LY75: variants seen among roughly 807,000 people sequenced by gnomAD.
The protein encoded by LY75 is C-type lectin domain family 13 member B.
A neutral mutation model predicts 231.7 loss-of-function variants in LY75; 185 were observed. That is an observed-to-expected ratio of 0.80 (90% CI 0.71 to 0.90). The LOEUF is 0.90. Ranked by LOEUF, LY75 falls within the 40% of genes least tolerant of loss-of-function variation. The pLI, the probability that LY75 is intolerant of heterozygous loss-of-function variation, is 0.00. For missense variants in LY75, 1,947 were observed against 2,050.2 expected (o/e 0.95, Z 0.97); for synonymous variants, 668 against 689.0 (o/e 0.97, Z 0.48).
chr2:159,848,087 T>C (rs754698229), intron 23 of LY75, among the ~76,000 whole-genome samples: 11 of 103,404 alleles, frequency 1.1e-4, no homozygotes, highest in African/African-American at 5.4e-4. Context: ...TATATATATA[T>C]ATATATACAC....
At chr2:159,895,962 T>A (rs1408672536) in intron 2 of LY75, among the ~76,000 whole-genome samples, 2 of 152,246 alleles carry the variant, frequency 1.3e-5, no homozygotes, top group African/African-American at 4.8e-5. Context: ...CTTCTCTGAA[T>A]GTGCAAATTT....
intron 31 of LY75, among the ~76,000 whole-genome samples, chr2:159,814,867 A>G (rs1163396639): frequency 6.6e-6 from 1 of 152,088 alleles, no homozygotes; most frequent in Non-Finnish European, 1.5e-5. Flanking sequence ...CACAAATTCT[A>G]GGGTAGAATT....
intron 23 of LY75, among the ~76,000 whole-genome samples, chr2:159,847,385 G>T (rs936411030): frequency 6.6e-6 from 1 of 151,944 alleles, no homozygotes; most frequent in African/African-American, 2.4e-5. Context: ...ACATGGGAGG[G>T]CAGTGTTGCA....
At chr2:159,831,505 G>C (rs1303638376) in intron 28 of LY75, among the ~76,000 whole-genome samples, 165 bp downstream of exon 28, 2 of 152,232 alleles carry the variant, frequency 1.3e-5, no homozygotes, top group South Asian at 2.1e-4. Context: ...GATAAAGGCA[G>C]AGCAGAGACA....
Position 159,854,364 on chromosome 2 carries a change from G to T in LY75, c.2591C>A (p.Ala864Glu). Residue 864 changes from alanine (A) to glutamate (E), a missense_variant, in exon 18 of 35, where the codon GCA becomes GAA. By Grantham distance (107) the Ala-to-Glu change is moderately radical. Coordinates refer to ENST00000263636, the MANE Select transcript of LY75 (RefSeq NM_002349.4). ...AAATATATTCTTTTAAATTACATTT[G>T]CTATTTTGTTTTTGATGGCTTTTAG... The part of the protein sequence containing the change: ...VGLKAIKNKI[A>E]NISGDGQKWW... 1 of 1,410,462 alleles carries T rather than the reference G, an allele frequency of 7.1e-7. No homozygotes were observed. Among genetic ancestry groups the T allele is most frequent in the Non-Finnish European group, 9.4e-7 (1 of 1,069,306 alleles). 87.4% of individuals were successfully genotyped at this position (1,410,462 alleles called of 1,614,324 possible).
chr2:159,832,162 A>G (rs993195808), intron 27 of LY75, among the ~76,000 whole-genome samples: 6 of 152,170 alleles, frequency 3.9e-5, no homozygotes, highest in Non-Finnish European at 7.3e-5. Context: ...TAGATGAACT[A>G]TAACAGGGGT....
chr2:159,834,776 A>G (rs1303417497), intron 26 of LY75, among the ~76,000 whole-genome samples: 2 of 152,210 alleles, frequency 1.3e-5, no homozygotes, highest in Non-Finnish European at 2.9e-5. Context: ...ATATAAACAT[A>G]TTCCACTCAA....
chr2:159,897,386 A>G (rs1184178298), intron 2 of LY75, among the ~76,000 whole-genome samples: 1 of 152,220 alleles, frequency 6.6e-6, no homozygotes, highest in African/African-American at 2.4e-5. Flanking sequence ...ATTAAGTCAT[A>G]TCCAAAAAGC....
At chr2:159,853,219 C>T (rs76133700) in intron 20 of LY75, 54 bp downstream of exon 20, 3 of 1,529,646 alleles carry the variant, frequency 2.0e-6, no homozygotes, top group South Asian at 2.4e-5. Flanking sequence ...AGAAACTGAA[C>T]CTGAACTTCA....
At chr2:159,858,534 C>T in intron 15 of LY75, 58 bp from the exon 16 acceptor site, 2 of 1,539,798 alleles carry the variant, frequency 1.3e-6, no homozygotes, top group Non-Finnish European at 1.7e-6. Context: ...TTATGGAACA[C>T]TAAACTGTAA....
chr2:159,840,936 C>G lies in LY75; in HGVS notation c.3300G>C (p.Thr1100=). 6.2e-7 allele frequency: 1 copy of G among 1,613,774 alleles called. No homozygotes were observed. Among genetic ancestry groups the G allele is most frequent in the Non-Finnish European group, 8.5e-7 (1 of 1,179,918 alleles). The part of the protein sequence containing the change: ...QKYSEVKSRQ[T]LQNASETVKY... ...TTACAGTTTCTGAAGCATTCTGCAA[C>G]GTCTGTCTGCTTTTAACTTCTGCAT... Residue 1100 remains threonine, a synonymous_variant, in exon 25 of 35, where the codon ACG becomes ACC. Transcript: ENST00000263636.
intron 2 of LY75, among the ~76,000 whole-genome samples, chr2:159,897,666 A>G (rs763036404): frequency 6.6e-6 from 1 of 152,252 alleles, no homozygotes; most frequent in Non-Finnish European, 1.5e-5. Context: ...TTAAGAGAAG[A>G]AGAAAGCCAC....
intron 3 of LY75, 104 bp downstream of exon 3, chr2:159,893,810 A>T: frequency 7.1e-7 from 1 of 1,407,140 alleles, no homozygotes; most frequent in South Asian, 1.4e-5. Flanking sequence ...ATCCGGGATA[A>T]TATTTTTGCA....
chr2:159,897,790 T>C (rs1356898287), intron 2 of LY75, among the ~76,000 whole-genome samples: 1 of 152,216 alleles, frequency 6.6e-6, no homozygotes. Flanking sequence ...ATGAAAAATA[T>C]TTGCTTGGGA....
At chr2:159,818,936 C>T (rs1683203509) in intron 29 of LY75, among the ~76,000 whole-genome samples, 1 of 152,156 alleles carries the variant, frequency 6.6e-6, no homozygotes, top group African/African-American at 2.4e-5. Flanking sequence ...AGATGCTTTG[C>T]TGAGCAAGAA....
At chr2:159,808,127 G>T in intron 33 of LY75, 2 of 985,280 alleles carry the variant, frequency 2.0e-6, no homozygotes, top group Non-Finnish European at 2.4e-6. Flanking sequence ...GGCAGGCATG[G>T]GTTCCTTGTG....
intron 14 of LY75, 107 bp downstream of exon 14, chr2:159,864,732 T>C: frequency 8.9e-7 from 1 of 1,123,704 alleles, no homozygotes; most frequent in Non-Finnish European, 1.2e-6. Context: ...CAGGGTCTTT[T>C]GTGGTTCCAT....
At position 159,904,610 on chromosome 2, in the gene LY75, C is replaced by T; in HGVS notation, c.73G>A (p.Ala25Thr). Residue 25 changes from alanine to threonine, a missense_variant, in exon 1 of 35, where the codon GCG becomes ACG. Physicochemically the swap from Ala to Thr is moderately conservative, Grantham distance 58. Coordinates refer to ENST00000263636, the MANE Select transcript of LY75 (RefSeq NM_002349.4). ...LMLLFWFFDL[A>T]EPSGRAANDP... ...TTACCTGCGCGGCCAGAGGGCTCCG[C>T]GAGATCGAAGAACCAGAAGAGCAGC... 1 of 1,509,232 alleles carries T rather than the reference C, an allele frequency of 6.6e-7. No individual in the cohort carries two copies. 93.5% of individuals were successfully genotyped at this position (1,509,232 alleles called of 1,614,324 possible). A position where few individuals can be genotyped will look rare whatever the true frequency, so the allele number is the denominator to read the frequency against.
rs1331765657 is a variant in LY75 at position 159,819,755 on chromosome 2, T to A, written c.4124A>T (p.His1375Leu). 6.2e-7 allele frequency: 1 copy of A among 1,613,500 alleles called. No homozygotes were observed. Among genetic ancestry groups the A allele is most frequent in the South Asian group, 1.1e-5 (1 of 90,950 alleles). ...TTCAATTTTACAAGCAAGAATGCTG[T>A]GCTGGTGAAAATAAACTGCTTCTTC... ...VIEEAVYFHQ[H>L]SILACKIEMV... Residue 1375 changes from histidine (H) to leucine (L), a missense_variant, in exon 29 of 35, where the codon CAC (histidine) becomes CTC (leucine). Physicochemically the swap from His to Leu is moderately conservative, Grantham distance 99 (BLOSUM62 -3). Transcript: ENST00000263636.
Sources: allele counts gnomAD v4.1 joint callset (sites outside exome capture counted in the v4.1 genomes callset), GRCh38; gene constraint gnomAD v4.1.1; transcripts MANE v1.5; gene names NCBI Gene and HGNC (gene_info 2026-07-23, HGNC 2026-07-21).